Variants in RAB38 observed in about 807,000 individuals in gnomAD.
RAB38 encodes the protein ras-related protein Rab-38.
RAB38 carries 15 observed loss-of-function variants against 18.4 expected under a neutral mutation model. The observed-to-expected ratio is 0.82, with a 90% CI of 0.55 to 1.26. The LOEUF (loss-of-function observed/expected upper bound fraction) is 1.26. Among genes scored for constraint, RAB38 ranks in the 50% most tolerant of loss-of-function variants. The pLI, the probability that RAB38 is intolerant of heterozygous loss-of-function variation, is 0.00. For synonymous variants in RAB38, 101 were observed against 104.4 expected (o/e 0.97, Z 0.20); for missense variants, 294 against 267.4 (o/e 1.10, Z -0.69).
the RAB38 span, among the ~76,000 whole-genome samples, chr11:87,948,826 C>T: frequency 1.3e-4 from 19 of 151,902 alleles, no homozygotes; most frequent in Non-Finnish European, 2.5e-4. Context: ...CATCAATGTT[C>T]ATCAAGGATA....
At chr11:87,890,455 G>A in the RAB38 span, among the ~76,000 whole-genome samples, 1 of 151,728 alleles carries the variant, frequency 6.6e-6, no homozygotes, top group Admixed American at 6.6e-5. Flanking sequence ...TCCCTCACCT[G>A]CCAGAGTGAC....
the RAB38 span, among the ~76,000 whole-genome samples, chr11:87,929,296 T>A: frequency 1.3e-5 from 2 of 152,008 alleles, no homozygotes; most frequent in Non-Finnish European, 2.9e-5. Flanking sequence ...TGTAACCCCC[T>A]CTTTCCTTTT....
chr11:87,850,809 G>A, the RAB38 span, among the ~76,000 whole-genome samples: 6 of 151,706 alleles, frequency 4.0e-5, no homozygotes, highest in African/African-American at 7.3e-5. Flanking sequence ...AGTGTTAGAA[G>A]TTCTTTATAT....
At chr11:87,854,525 T>A in the RAB38 span, among the ~76,000 whole-genome samples, 4 of 152,152 alleles carry the variant, frequency 2.6e-5, no homozygotes. Flanking sequence ...GAACTAAATA[T>A]CTAGTAGGAA....
chr11:88,103,463 C>T, the RAB38 span, among the ~76,000 whole-genome samples: 7 of 152,030 alleles, frequency 4.6e-5, no homozygotes, highest in Admixed American at 6.6e-5. Context: ...GTCTCTCTCC[C>T]GTTTGTTTAC....
At chr11:87,852,418 A>G in the RAB38 span, among the ~76,000 whole-genome samples, 2 of 152,158 alleles carry the variant, frequency 1.3e-5, no homozygotes, top group African/African-American at 4.8e-5. Context: ...TGTTGAAAAC[A>G]TTATCAAAGT....
chr11:87,826,869 A>C, the RAB38 span, among the ~76,000 whole-genome samples: 1 of 152,146 alleles, frequency 6.6e-6, no homozygotes, highest in Non-Finnish European at 1.5e-5. Flanking sequence ...TAACCTCTTC[A>C]CCATACTCAG....
At chr11:88,034,610 ATAT>A in the RAB38 span, among the ~76,000 whole-genome samples, 1 of 152,214 alleles carries the variant, frequency 6.6e-6, no homozygotes, top group Non-Finnish European at 1.5e-5. Context: ...GATGTTGAAC[ATAT>A]TATCATGTGC....
At chr11:88,049,073 C>T in the RAB38 span, among the ~76,000 whole-genome samples, 1 of 152,176 alleles carries the variant, frequency 6.6e-6, no homozygotes, top group Non-Finnish European at 1.5e-5. Context: ...CTTAATCTCT[C>T]CCACTCTAGG....
At chr11:88,168,514 T>C (rs1412364018) in intron 1 of RAB38, among the ~76,000 whole-genome samples, 1 of 152,128 alleles carries the variant, frequency 6.6e-6, no homozygotes, top group African/African-American at 2.4e-5. Flanking sequence ...TATTTTGAAA[T>C]AAATATCTTT....
chr11:87,918,351 G>T, the RAB38 span, among the ~76,000 whole-genome samples: 17 of 152,160 alleles, frequency 1.1e-4, no homozygotes, highest in South Asian at 3.3e-3. Flanking sequence ...ATGAACGTGG[G>T]AATACAGATC....
chr11:87,967,474 A>C, the RAB38 span, among the ~76,000 whole-genome samples: 19,014 of 152,136 alleles, frequency 0.12, 1,260 homozygotes, highest in South Asian at 0.2. Context: ...ATCTTCATGA[A>C]AGTAAAAAAA....
At chr11:87,968,165 A>AT in the RAB38 span, among the ~76,000 whole-genome samples, 5 of 151,958 alleles carry the variant, frequency 3.3e-5, no homozygotes, top group Admixed American at 1.3e-4. Flanking sequence ...CAAAAGAGAC[A>AT]TTTTTTTCTA....
the RAB38 span, among the ~76,000 whole-genome samples, chr11:88,028,969 C>A: frequency 3.9e-5 from 6 of 152,118 alleles, no homozygotes; most frequent in Non-Finnish European, 4.4e-5. Flanking sequence ...ATGTTAAGGG[C>A]AGCCAGAGAG....
chr11:87,824,226 C>A, the RAB38 span, among the ~76,000 whole-genome samples: 1 of 152,144 alleles, frequency 6.6e-6, no homozygotes. Context: ...GTGAGACTAT[C>A]AACTGCCTTC....
At chr11:88,008,731 T>A in the RAB38 span, among the ~76,000 whole-genome samples, 3 of 152,230 alleles carry the variant, frequency 2.0e-5, no homozygotes, top group African/African-American at 7.2e-5. Context: ...TGGAGTGCAG[T>A]GGCGCCATCT....
chr11:87,815,596 A>C, the RAB38 span: 1 of 152,208 alleles, frequency 6.6e-6, no homozygotes, highest in African/African-American at 2.4e-5. Context: ...GTGATGATGA[A>C]GGGTAAAATG....
At chr11:87,922,879 G>A in the RAB38 span, among the ~76,000 whole-genome samples, 2 of 150,732 alleles carry the variant, frequency 1.3e-5, no homozygotes, top group African/African-American at 2.4e-5. Flanking sequence ...GAAGAAAAAT[G>A]GATGGGAGAT....
chr11:88,039,397 C>T, the RAB38 span, among the ~76,000 whole-genome samples: 1 of 151,810 alleles, frequency 6.6e-6, no homozygotes, highest in Non-Finnish European at 1.5e-5. Flanking sequence ...TAAACCAGAC[C>T]TATTTATGAG....
Sources: gnomAD v4.1 joint callset for allele counts (sites outside exome capture counted in the v4.1 genomes callset) on GRCh38, gnomAD v4.1.1 for gene constraint, MANE v1.5 for transcripts, NCBI Gene and HGNC (gene_info 2026-07-23, HGNC 2026-07-21) for gene names.